Variants in PTPRD observed in about 807,000 individuals in gnomAD.
The protein encoded by PTPRD is protein tyrosine phosphatase receptor type D.
PTPRD carries 34 observed loss-of-function variants against 214.5 expected under a neutral mutation model. The ratio of observed to expected loss-of-function variants is 0.16; its 90% CI spans 0.12 to 0.21. The LOEUF is 0.21. Ranked by LOEUF, PTPRD falls within the 10% of genes least tolerant of loss-of-function variation. PTPRD has a pLI of 1.00. For synonymous variants in PTPRD, 1,128 were observed against 845.7 expected (o/e 1.33, Z -5.79); for missense variants, 2,545 against 2,398.7 (o/e 1.06, Z -1.27).
intron 11 of PTPRD, among the ~76,000 whole-genome samples, chr9:8,748,280 C>T (rs1199210866): frequency 6.6e-6 from 1 of 152,016 alleles, no homozygotes; most frequent in African/African-American, 2.4e-5. Flanking sequence ...CACCTTTAAA[C>T]ACGGGGCTTG....
chr9:9,685,636 T>C (rs1218257440), intron 7 of PTPRD, among the ~76,000 whole-genome samples: 3 of 151,330 alleles, frequency 2.0e-5, no homozygotes, highest in Non-Finnish European at 4.4e-5. Context: ...AGTATGTTGC[T>C]TGTCTACTAG....
intron 9 of PTPRD, among the ~76,000 whole-genome samples, chr9:9,229,494 A>G (rs2099961736): frequency 6.6e-6 from 1 of 152,048 alleles, no homozygotes; most frequent in Admixed American, 6.6e-5. Context: ...AAACCACAAA[A>G]AAGCATCCAA....
intron 4 of PTPRD, among the ~76,000 whole-genome samples, chr9:10,010,810 A>T (rs1029744961): frequency 4.1e-4 from 62 of 151,998 alleles, no homozygotes; most frequent in African/African-American, 1.4e-3. Flanking sequence ...AAACTAACTT[A>T]ACACTAATAA....
chr9:10,528,091 G>A (rs2054877881), intron 2 of PTPRD, among the ~76,000 whole-genome samples: 1 of 152,016 alleles, frequency 6.6e-6, no homozygotes, highest in Non-Finnish European at 1.5e-5. Context: ...CACACACACT[G>A]AGTTGAAAGC....
At chr9:8,844,620 A>C (rs941098736) in intron 11 of PTPRD, among the ~76,000 whole-genome samples, 1 of 152,242 alleles carries the variant, frequency 6.6e-6, no homozygotes, top group Non-Finnish European at 1.5e-5. Context: ...TGATTTATTA[A>C]GGATAATGAA....
At chr9:8,366,963 G>A (rs1036475072) in intron 39 of PTPRD, among the ~76,000 whole-genome samples, 5 of 152,276 alleles carry the variant, frequency 3.3e-5, no homozygotes, top group Admixed American at 1.3e-4. Context: ...AGAGTTAAAC[G>A]CCTACGGCCT....
At chr9:8,585,391 A>G (rs1351961102) in intron 14 of PTPRD, among the ~76,000 whole-genome samples, 1 of 152,172 alleles carries the variant, frequency 6.6e-6, no homozygotes. Flanking sequence ...TAATCACTAA[A>G]CTACACCAAC....
chr9:8,701,638 A>AAAG (rs1555171272), intron 12 of PTPRD: 1 of 152,062 alleles, frequency 6.6e-6, no homozygotes, highest in East Asian at 1.9e-4. Context: ...ACTCCGTCTC[A>AAAG]AATAATAATA....
intron 36 of PTPRD, among the ~76,000 whole-genome samples, chr9:8,395,283 A>T (rs570596918): frequency 6.6e-6 from 1 of 152,278 alleles, no homozygotes; most frequent in African/African-American, 2.4e-5. Flanking sequence ...GCATAACACT[A>T]TATTGCTGTT....
chr9:9,926,538 A>G (rs2084375497), intron 5 of PTPRD, among the ~76,000 whole-genome samples: 2 of 152,186 alleles, frequency 1.3e-5, no homozygotes, highest in Admixed American at 1.3e-4. Context: ...AGAAAAGAGA[A>G]AGAAAAAACC....
At chr9:9,430,801 G>A (rs886654061) in intron 8 of PTPRD, among the ~76,000 whole-genome samples, 1 of 152,194 alleles carries the variant, frequency 6.6e-6, no homozygotes, top group African/African-American at 2.4e-5. Context: ...AAGAAATGGG[G>A]AAAGGAATCC....
chr9:9,951,516 A>C (rs2093451008), intron 4 of PTPRD, among the ~76,000 whole-genome samples: 2 of 152,158 alleles, frequency 1.3e-5, no homozygotes, highest in South Asian at 2.1e-4. Flanking sequence ...TTGAACCCCT[A>C]AATTCTTCTG....
intron 7 of PTPRD, among the ~76,000 whole-genome samples, chr9:9,652,133 T>C (rs1006432496): frequency 2.6e-5 from 4 of 152,058 alleles, no homozygotes; most frequent in African/African-American, 9.7e-5. Flanking sequence ...TGAGCCACCA[T>C]GCCTGGCCTA....
chr9:8,541,257 T>G (rs1470562899), intron 14 of PTPRD, among the ~76,000 whole-genome samples: 2 of 152,108 alleles, frequency 1.3e-5, no homozygotes, highest in Non-Finnish European at 2.9e-5. Flanking sequence ...ATAGATAGGG[T>G]CTTGCTCTGT....
chr9:10,511,931 C>G (rs199950057), intron 2 of PTPRD, among the ~76,000 whole-genome samples: 1 of 63,808 alleles, frequency 1.6e-5, no homozygotes, highest in Non-Finnish European at 3.2e-5. Flanking sequence ...TATATATATA[C>G]GTGTATATAT....
chr9:10,271,374 A>C (rs960935092), intron 3 of PTPRD, among the ~76,000 whole-genome samples: 1 of 100,278 alleles, frequency 1.0e-5, no homozygotes, highest in African/African-American at 2.8e-5. Flanking sequence ...TTAAAATTTA[A>C]AGAGTAACTC....
intron 5 of PTPRD, among the ~76,000 whole-genome samples, chr9:9,779,076 G>GAAAAAAAAAAAAAAAAAAA: frequency 2.8e-4 from 1 of 3,624 alleles, no homozygotes; most frequent in Non-Finnish European, 4.3e-4. Context: ...TCATAAGACT[G>GAAAAAAAAAAAAAAAAAAA]ACAAAAAAAA....
chr9:9,566,208 T>A (rs911192049), intron 8 of PTPRD, among the ~76,000 whole-genome samples: 3 of 152,062 alleles, frequency 2.0e-5, no homozygotes, highest in Non-Finnish European at 4.4e-5. Context: ...ATTGTCATAT[T>A]TTGAAGACTG....
chr9:8,322,596 C>T (rs7863154), intron 44 of PTPRD, among the ~76,000 whole-genome samples: 1 of 152,242 alleles, frequency 6.6e-6, no homozygotes, highest in East Asian at 1.9e-4. Flanking sequence ...GAAGTTAGCA[C>T]AGGTTGGCTT....
Sources: gnomAD v4.1 joint callset for allele counts (sites outside exome capture counted in the v4.1 genomes callset) on GRCh38, gnomAD v4.1.1 for gene constraint, MANE v1.5 for transcripts, NCBI Gene and HGNC (gene_info 2026-07-23, HGNC 2026-07-21) for gene names.